ARHGEF28: variants seen among roughly 807,000 people sequenced by gnomAD.
ARHGEF28 encodes the protein 190 kDa guanine nucleotide exchange factor.
A neutral mutation model predicts 206.6 loss-of-function variants in ARHGEF28; 152 were observed. The observed-to-expected ratio is 0.74, with a 90% CI of 0.64 to 0.84. The LOEUF is 0.84. Among genes scored for constraint, ARHGEF28 ranks in the 40% least tolerant of loss-of-function variants. The pLI, the probability that ARHGEF28 is intolerant of heterozygous loss-of-function variation, is 0.00. For synonymous variants in ARHGEF28, 763 were observed against 776.4 expected (o/e 0.98, Z 0.29); for missense variants, 2,028 against 2,073.2 (o/e 0.98, Z 0.42).
Position 73,857,756 on chromosome 5 carries a change from A to C in ARHGEF28, c.1891A>C (p.Thr631Pro). The change falls in exon 15 of 36, where the codon ACT becomes CCT. Residue 631 changes from threonine (T) to proline (P), a missense_variant. By Grantham distance (38) the Thr-to-Pro change is conservative. Around this residue, in one of 3 missense-constraint regions of ARHGEF28, gnomAD observed 1,002 missense variants for 1,015.3 expected, o/e 0.99. Transcript: ENST00000513042. ...RTFSFLMNRMTSPRNKSKTKS... is the reference protein window; with the variant it reads ...RTFSFLMNRMPSPRNKSKTKS... ...TTTCAGTTTCCTCATGAATAGGATG[A>C]CTAGCCCTCGGAATAAATCAAAGGT... 2.5e-6 allele frequency: 4 copies of C among 1,613,018 alleles called. No homozygotes were observed. The highest frequency in any genetic ancestry group is 3.4e-6 in the Non-Finnish European group (4 of 1,179,446).
In ARHGEF28 at chr5:73,909,667, C is replaced by T. The variant is rs1191343133; in HGVS notation, c.4417C>T (p.Gln1473Ter). The T allele has an allele frequency of 6.5e-7, 1 of 1,543,838 alleles. No individual in the cohort carries two copies. The highest frequency in any genetic ancestry group is 2.0e-5 in the Admixed American group (1 of 50,916). Reference sequence around the variant, plus strand: ...GCAGGCGACCAGGGAGAGCTGGCTGCAGGAGCGGGAGCGGGAGTGCCAGTC... The same window carrying T: ...GCAGGCGACCAGGGAGAGCTGGCTGTAGGAGCGGGAGCGGGAGTGCCAGTC... Reference protein sequence around the residue: ...RAQATRESWLQERERECQSQE... With the variant: ...RAQATRESWL Residue 1473 changes from glutamine (Q) to a stop codon, truncating the protein, a stop_gained, in exon 34 of 36, where the codon CAG (glutamine) becomes TAG (stop). Coordinates refer to ENST00000513042, the MANE Select transcript of ARHGEF28 (RefSeq NM_001177693.2). LOFTEE classifies it high-confidence loss of function.
chr5:73,811,154 A>C (rs1755815708), intron 9 of ARHGEF28, among the ~76,000 whole-genome samples: 1 of 152,072 alleles, frequency 6.6e-6, no homozygotes, highest in Admixed American at 6.6e-5. Context: ...ATCCAACACT[A>C]TTTTGGTTTG....
chr5:73,844,701 G>A (rs1579976354), intron 11 of ARHGEF28, among the ~76,000 whole-genome samples: 1 of 95,798 alleles, frequency 1.0e-5, no homozygotes, highest in Admixed American at 1.2e-4. Context: ...TCTGGTTCTT[G>A]TATTTCAAAA....
At chr5:73,804,426 A>G (rs1177926481) in intron 9 of ARHGEF28, among the ~76,000 whole-genome samples, 1 of 152,248 alleles carries the variant, frequency 6.6e-6, no homozygotes, top group African/African-American at 2.4e-5. Flanking sequence ...CAGGACTTGA[A>G]TTCTACATAT....
chr5:73,704,239 G>A (rs979515663), intron 2 of ARHGEF28, among the ~76,000 whole-genome samples: 6 of 152,002 alleles, frequency 3.9e-5, no homozygotes, highest in Non-Finnish European at 5.9e-5. Flanking sequence ...GGGTAGGTCA[G>A]TGAATTTTCT....
intron 7 of ARHGEF28, among the ~76,000 whole-genome samples, chr5:73,788,896 T>C (rs907340602): frequency 6.6e-6 from 1 of 151,782 alleles, no homozygotes; most frequent in African/African-American, 2.4e-5. Context: ...CATAATTGAA[T>C]TCTTTGCTTT....
chr5:73,927,207 T>A (rs1465115199), intron 35 of ARHGEF28, among the ~76,000 whole-genome samples: 7 of 149,170 alleles, frequency 4.7e-5, no homozygotes, highest in East Asian at 2.0e-4. Flanking sequence ...AAAAAAAAAA[T>A]AAAAATAAAA....
chr5:73,925,719 T>C (rs1379323900), intron 35 of ARHGEF28, among the ~76,000 whole-genome samples: 2 of 151,918 alleles, frequency 1.3e-5, no homozygotes, highest in African/African-American at 4.9e-5. Context: ...CTTTGTGCCT[T>C]TTGGGGCCTA....
chr5:73,632,969 G>A (rs987737571), intron 1 of ARHGEF28, among the ~76,000 whole-genome samples: 1 of 151,734 alleles, frequency 6.6e-6, no homozygotes, highest in Non-Finnish European at 1.5e-5. Context: ...TAGAATCAGT[G>A]GGAGCCCTGA....
chr5:73,751,203 A>G (rs963520611), intron 3 of ARHGEF28, among the ~76,000 whole-genome samples: 1 of 152,194 alleles, frequency 6.6e-6, no homozygotes, highest in Non-Finnish European at 1.5e-5. Flanking sequence ...TGAGGTCGGG[A>G]GTTTGAGACC....
At chr5:73,921,042 CTT>C (rs1352527263) in intron 35 of ARHGEF28, among the ~76,000 whole-genome samples, 3 of 152,236 alleles carry the variant, frequency 2.0e-5, no homozygotes, top group African/African-American at 7.2e-5. Context: ...TTCTTAAACT[CTT>C]TTTTTCTTCT....
chr5:73,912,170 C>T (rs953206406), intron 35 of ARHGEF28, among the ~76,000 whole-genome samples: 15 of 151,986 alleles, frequency 9.9e-5, no homozygotes, highest in Admixed American at 8.5e-4. Flanking sequence ...AAAGGCAGCT[C>T]GTGTTACCAG....
At chr5:73,723,276 C>T (rs1177115598) in intron 2 of ARHGEF28, among the ~76,000 whole-genome samples, 2 of 152,150 alleles carry the variant, frequency 1.3e-5, no homozygotes, top group Non-Finnish European at 2.9e-5. Flanking sequence ...GCAACCTCTG[C>T]CTCCCGGGTT....
At chr5:73,689,812 G>C (rs576490455) in intron 2 of ARHGEF28, among the ~76,000 whole-genome samples, 1 of 151,918 alleles carries the variant, frequency 6.6e-6, no homozygotes, top group African/African-American at 2.4e-5. Context: ...CTGCAGTCTG[G>C]TTTGAAGTCT....
intron 4 of ARHGEF28, among the ~76,000 whole-genome samples, chr5:73,763,038 T>A (rs536931101): frequency 3.3e-5 from 5 of 152,238 alleles, no homozygotes; most frequent in Non-Finnish European, 7.3e-5. Context: ...GGTAAAATCC[T>A]TATCATAGTC....
At chr5:73,722,504 T>C (rs764013111) in intron 2 of ARHGEF28, among the ~76,000 whole-genome samples, 9 of 152,268 alleles carry the variant, frequency 5.9e-5, no homozygotes, top group Non-Finnish European at 1.0e-4. Context: ...CATTTGTCTC[T>C]CATCTCACCA....
intron 1 of ARHGEF28, among the ~76,000 whole-genome samples, chr5:73,662,483 AACCTTATT>A (rs1441892857): frequency 6.6e-6 from 1 of 152,234 alleles, no homozygotes; most frequent in Non-Finnish European, 1.5e-5. Flanking sequence ...GGAAAGAGAA[AACCTTATT>A]CTTTGGTTTC....
chr5:73,858,659 G>T lies in ARHGEF28; in HGVS notation c.2047+440G>T, dbSNP rs150158902. On this transcript the variant is annotated intron_variant, in intron 16 of 35. Transcript: ENST00000513042. ...AGAAAACATATAAAACCAGGCACTT[G>T]TCACCCCTACCACTGATATCATTCT... Among the ~76,000 whole-genome samples, 210 of 152,204 alleles carry T rather than the reference G, an allele frequency of 1.4e-3. 2 individuals carry two copies. The highest frequency in any genetic ancestry group is 6.8e-3 in the Middle Eastern group (2 of 294).
chr5:73,657,037 GT>G (rs1745254130), intron 1 of ARHGEF28, among the ~76,000 whole-genome samples: 1 of 151,968 alleles, frequency 6.6e-6, no homozygotes, highest in Non-Finnish European at 1.5e-5. Flanking sequence ...GCCAGGCATG[GT>G]GGCGGGCACG....
Sources: allele counts gnomAD v4.1 joint callset (sites outside exome capture counted in the v4.1 genomes callset), GRCh38; gene constraint gnomAD v4.1.1; regional missense constraint gnomAD v4.1.1; transcripts MANE v1.5; gene names NCBI Gene and HGNC (gene_info 2026-07-23, HGNC 2026-07-21).